The following USP54 variants were observed in gnomAD, a reference collection of about 807,000 sequenced individuals.
USP54 encodes the protein ubiquitin carboxyl-terminal hydrolase 54.
In USP54, 87 loss-of-function variants were observed where a neutral mutation model predicts 170.5. That is an observed-to-expected ratio of 0.51 (90% CI 0.43 to 0.61). The LOEUF is 0.61. Among genes scored for constraint, USP54 ranks in the 20% least tolerant of loss-of-function variants. The pLI, the probability that USP54 is intolerant of heterozygous loss-of-function variation, is 0.00. For synonymous variants in USP54, 655 were observed against 742.8 expected (o/e 0.88, Z 1.92); for missense variants, 1,786 against 2,047.8 (o/e 0.87, Z 2.47).
At chr10:73,510,348 TA>T (rs559707448) in intron 20 of USP54, among the ~76,000 whole-genome samples, 2 of 150,216 alleles carry the variant, frequency 1.3e-5, no homozygotes, top group Non-Finnish European at 3.0e-5. Context: ...AATAAATAAA[TA>T]AAATAAAATA....
At position 73,549,874 on chromosome 10, in the gene USP54, A is replaced by C. The variant is rs117474682; in HGVS notation, c.241-4202T>G. On this transcript the variant is annotated intron_variant, in intron 4 of 23. Transcript: ENST00000687698. The stretch of plus-strand genomic sequence containing the variant: ...GGCTTCCCATGGCATACACAGTAAA[A>C]GCCAAACTGCTAAGTCCTTACGTAA... Among the ~76,000 whole-genome samples, 52 of 152,316 alleles carry C rather than the reference A, an allele frequency of 3.4e-4. No homozygotes were observed. In the East Asian group the frequency reaches 8.5e-3, roughly 25 times the overall value.
intron 17 of USP54, 141 bp from the exon 18 acceptor site, chr10:73,521,168 A>T: frequency 8.3e-7 from 1 of 1,205,708 alleles, no homozygotes; most frequent in Non-Finnish European, 1.1e-6. Flanking sequence ...CCTATTAAGA[A>T]TTATCTGAAA....
intron 19 of USP54, 62 bp from the exon 20 acceptor site, chr10:73,517,809 G>T: frequency 6.6e-7 from 1 of 1,518,836 alleles, no homozygotes; most frequent in Non-Finnish European, 8.9e-7. Flanking sequence ...CTTACAGAAA[G>T]AACTCAACAT....
intron 1 of USP54, among the ~76,000 whole-genome samples, chr10:73,582,602 G>A (rs904617999): frequency 1.3e-5 from 2 of 152,158 alleles, no homozygotes; most frequent in African/African-American, 4.8e-5. Context: ...TGTTGGCCAG[G>A]CTGGTCTTGA....
chr10:73,511,356 A>ATTT (rs2060179986), intron 20 of USP54, among the ~76,000 whole-genome samples: 1 of 150,500 alleles, frequency 6.6e-6, no homozygotes, highest in African/African-American at 2.4e-5. Flanking sequence ...TTTTTTTAGC[A>ATTT]TTTTTTGAAA....
At chr10:73,613,051 G>T (rs541303572) in intron 1 of USP54, among the ~76,000 whole-genome samples, 1 of 151,486 alleles carries the variant, frequency 6.6e-6, no homozygotes, top group Non-Finnish European at 1.5e-5. Context: ...CAGCTACTCA[G>T]GAGGCTGAGG....
At chr10:73,586,770 T>G (rs1420473518) in intron 1 of USP54, among the ~76,000 whole-genome samples, 1 of 152,148 alleles carries the variant, frequency 6.6e-6, no homozygotes, top group African/African-American at 2.4e-5. Flanking sequence ...TCTACAACCA[T>G]AAAAAGGGCC....
At chr10:73,532,083 T>C (rs1243107294) in intron 12 of USP54, among the ~76,000 whole-genome samples, 1 of 152,228 alleles carries the variant, frequency 6.6e-6, no homozygotes, top group Non-Finnish European at 1.5e-5. Context: ...CAGTTGCCCC[T>C]TGGAATCTTG....
At chr10:73,531,096 G>A (rs1007506552) in intron 12 of USP54, among the ~76,000 whole-genome samples, 4 of 151,960 alleles carry the variant, frequency 2.6e-5, no homozygotes, top group Admixed American at 6.6e-5. Context: ...CCAGGAGTTC[G>A]AGACCAGACT....
intron 1 of USP54, among the ~76,000 whole-genome samples, chr10:73,582,217 A>C (rs1362609694): frequency 6.6e-6 from 1 of 151,448 alleles, no homozygotes; most frequent in Non-Finnish European, 1.5e-5. Context: ...TAAGAGACAG[A>C]GGGGTAAATG....
chr10:73,614,816 A>G (rs956001708), intron 1 of USP54, among the ~76,000 whole-genome samples: 2 of 150,392 alleles, frequency 1.3e-5, no homozygotes, highest in African/African-American at 5.0e-5. Context: ...AAATATTTTT[A>G]TAATTTTGGG....
intron 1 of USP54, among the ~76,000 whole-genome samples, chr10:73,616,766 A>T (rs1004924180): frequency 1.3e-5 from 2 of 150,548 alleles, no homozygotes; most frequent in African/African-American, 5.0e-5. Flanking sequence ...TGGAGACTAC[A>T]GTGAGCTGAG....
intron 16 of USP54, among the ~76,000 whole-genome samples, chr10:73,526,372 C>T (rs778944140): frequency 7.2e-5 from 11 of 152,060 alleles, no homozygotes; most frequent in South Asian, 2.1e-4. Flanking sequence ...CTCAGCCTCC[C>T]GAGCAGCTGG....
At chr10:73,608,259 CAAAAACAAA>C (rs1409456707) in intron 1 of USP54, among the ~76,000 whole-genome samples, 1 of 150,016 alleles carries the variant, frequency 6.7e-6, no homozygotes, top group African/African-American at 2.4e-5. Flanking sequence ...GATTCCATCT[CAAAAACAAA>C]AAAAACAAAA....
At chr10:73,593,162 C>T (rs1256185808), upstream of USP54, among the ~76,000 whole-genome samples, 1 of 151,256 alleles carries the variant, frequency 6.6e-6, no homozygotes, top group Non-Finnish European at 1.5e-5. Flanking sequence ...AGTTCAAGAC[C>T]AGCCTGGGCA....
intron 9 of USP54, 103 bp from the exon 10 acceptor site, chr10:73,539,696 G>T: frequency 8.0e-7 from 1 of 1,256,148 alleles, no homozygotes; most frequent in Non-Finnish European, 1.1e-6. Flanking sequence ...GTACTGACTT[G>T]CTTCTCTTCC....
At chr10:73,566,299 A>T (rs929112725) in intron 4 of USP54, among the ~76,000 whole-genome samples, 3 of 152,208 alleles carry the variant, frequency 2.0e-5, no homozygotes, top group Non-Finnish European at 4.4e-5. Context: ...AACAATGTAG[A>T]TGCTCTTATA....
At chr10:73,538,999 C>T (rs115058361) in intron 10 of USP54, among the ~76,000 whole-genome samples, 6,289 of 151,672 alleles carry the variant, frequency 0.041, 396 homozygotes, top group African/African-American at 0.14. Context: ...ATATAAAATA[C>T]GCCGGGCACA....
chr10:73,518,501 C>A (rs765891835), intron 19 of USP54, among the ~76,000 whole-genome samples: 1 of 152,034 alleles, frequency 6.6e-6, no homozygotes, highest in South Asian at 2.1e-4. Flanking sequence ...AGGATGTATA[C>A]GTTTTCTGGA....
Sources: allele counts gnomAD v4.1 joint callset (sites outside exome capture counted in the v4.1 genomes callset), GRCh38; gene constraint gnomAD v4.1.1; transcripts MANE v1.5; gene names NCBI Gene and HGNC (gene_info 2026-07-23, HGNC 2026-07-21).